PLD3: variants seen among roughly 807,000 people sequenced by gnomAD.
PLD3 encodes 5'-3' exonuclease PLD3.
A neutral mutation model predicts 58.4 loss-of-function variants in PLD3; 31 were observed. The observed-to-expected ratio is 0.53, with a 90% CI of 0.40 to 0.72. The LOEUF (loss-of-function observed/expected upper bound fraction) is 0.72, where lower values mean the gene tolerates loss of function less well. Ranked by LOEUF, PLD3 falls within the 30% of genes least tolerant of loss-of-function variation. PLD3 has a pLI of 0.00. For missense variants in PLD3, 595 were observed against 659.8 expected (o/e 0.90, Z 1.08); for synonymous variants, 264 against 273.4 (o/e 0.97, Z 0.34).
intron 10 of PLD3, chr19:40,376,248 G>GGGAT (rs1297000029): frequency 5.2e-6 from 1 of 193,114 alleles, no homozygotes; most frequent in Non-Finnish European, 1.1e-5. Flanking sequence ...CTAGCTACCC[G>GGGAT]GGAGGCTGAG....
rs532458601 is a variant in PLD3, at chr19:40,349,546, T to C, written c.-279+778T>C. Among the ~76,000 whole-genome samples the C allele has an allele frequency of 2.0e-5, 3 of 152,316 alleles. 1 individual carries two copies. The South Asian group carries it at 6.2e-4, about 32-fold the overall frequency. On this transcript the variant is annotated intron_variant, in intron 1 of 12. Transcript: ENST00000409735. The stretch of plus-strand genomic sequence containing the variant: ...CTTATGGCACCTTTCCAATCCCAGC[T>C]TCATCTGCAAAATGCACACGGGGAC...
intron 9 of PLD3, among the ~76,000 whole-genome samples, chr19:40,372,759 T>G (rs1361175696): frequency 6.7e-6 from 1 of 149,058 alleles, no homozygotes; most frequent in African/African-American, 2.5e-5. Context: ...TGTGCACCTG[T>G]AGTCCCTGGG....
chr19:40,368,413 C>T lies in PLD3; in HGVS notation c.429+534C>T, dbSNP rs544759009. 6.6e-5 allele frequency among the ~76,000 whole-genome samples: 10 copies of T among 152,258 alleles called. No homozygotes were observed. The East Asian group carries it at 1.9e-3, about 29-fold the overall frequency. ...TTGTGAGTCTGCTGTTACTATATAT[C>T]CTGGTATGGTCTGCAGACAAACTTA... On this transcript the variant is annotated intron_variant, in intron 6 of 12. Coordinates refer to ENST00000409735, the MANE Select transcript of PLD3 (RefSeq NM_012268.4).
chr19:40,362,108 A>G (rs1204894820), intron 1 of PLD3, among the ~76,000 whole-genome samples: 1 of 152,170 alleles, frequency 6.6e-6, no homozygotes, highest in African/African-American at 2.4e-5. Context: ...AAGTGCTGGC[A>G]TTACAGGCGT....
In PLD3 at chr19:40,370,161, A is replaced by C; in HGVS notation, c.602A>C (p.His201Pro). Residue 201 changes from histidine (H) to proline (P), a missense_variant, in exon 8 of 13, where the codon CAT (histidine) becomes CCT (proline). Transcript: ENST00000409735. ...CAGAAGCTGACCCATGGCGTCCTGCATACCAAGTTCTGGGTGGTGGACCAG... is the reference window on the plus strand; with the variant it reads ...CAGAAGCTGACCCATGGCGTCCTGCCTACCAAGTTCTGGGTGGTGGACCAG... Reference protein sequence around the residue: ...DMQKLTHGVLHTKFWVVDQTH... With the variant: ...DMQKLTHGVLPTKFWVVDQTH... The C allele has an allele frequency of 6.2e-7, 1 of 1,614,006 alleles. No individual in the cohort carries two copies. Among genetic ancestry groups the C allele is most frequent in the Non-Finnish European group, 8.5e-7 (1 of 1,179,974 alleles).
At position 40,371,967 on chromosome 19, in the gene PLD3, G is replaced by A. The variant is rs568289084; in HGVS notation, c.879+94G>A. The A allele has an allele frequency of 5.4e-5, 55 of 1,021,878 alleles. No individual in the cohort carries two copies. In the East Asian group the frequency reaches 1.1e-3, roughly 20 times the overall value. The allele number at this position is 1,021,878 out of a possible 1,614,324, so 63.3% of individuals were successfully genotyped here. On this transcript the variant is annotated intron_variant, in intron 9 of 12. Coordinates refer to ENST00000409735, the MANE Select transcript of PLD3 (RefSeq NM_012268.4). ...CCTGTTTGGTGATGACAGGGAGGGC[G>A]TATCCTGACCATCAGTTCTCACCCC...
At chr19:40,376,451 A>G in intron 10 of PLD3, 158 bp from the exon 11 acceptor site, 1 of 655,180 alleles carries the variant, frequency 1.5e-6, no homozygotes, top group South Asian at 2.0e-5. Context: ...GGGATGTGGG[A>G]TTTATGGAGA....
At chr19:40,370,510 CAAAA>C (rs796986798) in intron 8 of PLD3, 3 of 212,150 alleles carry the variant, frequency 1.4e-5, no homozygotes, top group African/African-American at 2.5e-5. Context: ...CCATCTCTAC[CAAAA>C]AAAAAAAAAT....
intron 2 of PLD3, 186 bp downstream of exon 2, chr19:40,366,116 G>C: frequency 2.8e-6 from 1 of 352,766 alleles, no homozygotes; most frequent in Non-Finnish European, 5.3e-6. Context: ...CTCATCCAGC[G>C]CTGCCTTTCT....
chr19:40,370,290 G>A, intron 8 of PLD3, 53 bp downstream of exon 8: 1 of 1,571,742 alleles, frequency 6.4e-7, no homozygotes, highest in South Asian at 1.2e-5. Context: ...GCCCCACAGG[G>A]CACCCAGCCT....
intron 1 of PLD3, among the ~76,000 whole-genome samples, chr19:40,353,150 T>A (rs989642229): frequency 2.0e-5 from 3 of 151,944 alleles, no homozygotes; most frequent in African/African-American, 7.3e-5. Flanking sequence ...GAGCTCTGGG[T>A]TCAAATTCCT....
Position 40,367,687 on chromosome 19 carries a change from A to AC in PLD3, c.246-3dup. 1.3e-6 allele frequency: 2 copies of AC among 1,592,308 alleles called. No individual in the cohort carries two copies. Among genetic ancestry groups the AC allele is most frequent in the South Asian group, 1.1e-5 (1 of 90,048 alleles). On this transcript the variant is annotated splice_polypyrimidine_tract_variant and intron_variant, in intron 5 of 12. Transcript: ENST00000409735. ...CACCGTATGGCTGATAGCATCCCCC[A>AC]CCCCCCAGAGCAGTGCTGGTGGAAA...
chr19:40,374,550 A>C lies in PLD3; in HGVS notation c.949A>C (p.Asn317His). The C allele has an allele frequency of 6.2e-7, 1 of 1,614,176 alleles. No individual in the cohort carries two copies. Among genetic ancestry groups the C allele is most frequent in the Non-Finnish European group, 8.5e-7 (1 of 1,180,024 alleles). ...DLKALLNVVDNARSFIYVAVM... is the reference protein window; with the variant it reads ...DLKALLNVVDHARSFIYVAVM... ...GAAGGCTCTACTCAACGTGGTGGAC[A>C]ATGCCCGGAGTTTCATCTACGTCGC... The change falls in exon 10 of 13, where the codon AAT becomes CAT. Residue 317 changes from asparagine to histidine, a missense_variant. By Grantham distance (68) the Asn-to-His change is moderately conservative. Coordinates refer to ENST00000409735, the MANE Select transcript of PLD3 (RefSeq NM_012268.4).
At chr19:40,369,014 A>C (rs2078999219) in intron 6 of PLD3, among the ~76,000 whole-genome samples, 1 of 152,182 alleles carries the variant, frequency 6.6e-6, no homozygotes, top group South Asian at 2.1e-4. Context: ...GGTCCCAGCT[A>C]CTTGGGAGGC....
At chr19:40,365,685 C>G (rs371468398) in intron 1 of PLD3, 33 bp from the exon 2 acceptor site, 2 of 152,450 alleles carry the variant, frequency 1.3e-5, no homozygotes, top group African/African-American at 4.8e-5. Context: ...AAAGCCCATC[C>G]ACCAGCCATG....
At chr19:40,351,571 A>G (rs1383974088) in intron 1 of PLD3, among the ~76,000 whole-genome samples, 1 of 152,166 alleles carries the variant, frequency 6.6e-6, no homozygotes, top group Non-Finnish European at 1.5e-5. Flanking sequence ...AGAAAGAGTG[A>G]CATGGCCCTC....
intron 9 of PLD3, among the ~76,000 whole-genome samples, chr19:40,372,159 A>G (rs2079082309): frequency 6.6e-6 from 1 of 152,152 alleles, no homozygotes; most frequent in Non-Finnish European, 1.5e-5. Context: ...GTATAGCCAC[A>G]GGTGGCTCTT....
At chr19:40,376,989 G>A (rs569980858) in intron 11 of PLD3, among the ~76,000 whole-genome samples, 1 of 151,366 alleles carries the variant, frequency 6.6e-6, no homozygotes, top group Admixed American at 6.6e-5. Context: ...CCGGGATGGG[G>A]GTGCAGAGAG....
At position 40,366,634 on chromosome 19, in the gene PLD3, G is replaced by A. The variant is rs757404195; in HGVS notation, c.52G>A (p.Ala18Thr). 164 of 1,581,894 alleles carry A rather than the reference G, an allele frequency of 1.0e-4. 2 individuals carry two copies. In the South Asian group the frequency reaches 1.2e-3, roughly 12 times the overall value. ...QELKVPAEEP[A>T]NELPMNEIEA... ...GCTGAAGGTGCCTGCAGAGGAGCCC[G>A]CCAATGAGCTGCCCATGAATGAGAT... Residue 18 changes from alanine to threonine, a missense_variant, in exon 4 of 13, where the codon GCC becomes ACC. Coordinates refer to ENST00000409735, the MANE Select transcript of PLD3 (RefSeq NM_012268.4).
Sources: gnomAD v4.1 joint callset for allele counts (sites outside exome capture counted in the v4.1 genomes callset) on GRCh38, gnomAD v4.1.1 for gene constraint, MANE v1.5 for transcripts, NCBI Gene and HGNC (gene_info 2026-07-23, HGNC 2026-07-21) for gene names.